Variants in TNFSF4 observed in about 807,000 individuals in gnomAD.
The protein encoded by TNFSF4 is TNF superfamily member 4, also known as tumor necrosis factor ligand superfamily member 4.
A neutral mutation model predicts 7.3 loss-of-function variants in TNFSF4; 4 were observed. The observed-to-expected ratio is 0.55, with a 90% CI of 0.27 to 1.25. TNFSF4 has a LOEUF of 1.25. Ranked by LOEUF, TNFSF4 falls within the 50% of genes most tolerant of loss-of-function variation. TNFSF4 has a pLI of 0.12. For synonymous variants in TNFSF4, 76 were observed against 83.7 expected, an observed-to-expected ratio of 0.91 and a Z score of 0.50; for missense variants, 181 against 208.8, an observed-to-expected ratio of 0.87 and a Z score of 0.82.
At chr1:173,260,701 A>G in the TNFSF4 span, among the ~76,000 whole-genome samples, 1 of 152,224 alleles carries the variant, frequency 6.6e-6, no homozygotes. Flanking sequence ...AGTTTCTGAC[A>G]AAACAGACTT....
the TNFSF4 span, among the ~76,000 whole-genome samples, chr1:173,224,821 C>T: frequency 2.6e-5 from 4 of 152,160 alleles, no homozygotes; most frequent in East Asian, 7.7e-4. Flanking sequence ...GAGAGCATGG[C>T]CACAGAATCA....
chr1:173,415,291 G>T, the TNFSF4 span, among the ~76,000 whole-genome samples: 1 of 152,208 alleles, frequency 6.6e-6, no homozygotes, highest in African/African-American at 2.4e-5. Flanking sequence ...GCCTCAGCTG[G>T]TGCACTGTCA....
the TNFSF4 span, among the ~76,000 whole-genome samples, chr1:173,293,936 A>G: frequency 6.6e-6 from 1 of 152,082 alleles, no homozygotes; most frequent in African/African-American, 2.4e-5. Flanking sequence ...ACCAATCAGA[A>G]TAGCTATTAT....
At chr1:173,209,826 C>A (rs1650314339), upstream of TNFSF4, among the ~76,000 whole-genome samples, 1 of 151,996 alleles carries the variant, frequency 6.6e-6, no homozygotes, top group Non-Finnish European at 1.5e-5. Context: ...AAGTATCTCA[C>A]AAATATTAAA....
At chr1:173,315,597 G>A in the TNFSF4 span, among the ~76,000 whole-genome samples, 4 of 152,144 alleles carry the variant, frequency 2.6e-5, no homozygotes, top group African/African-American at 9.7e-5. Context: ...GTAAGGACAC[G>A]TGATTAAAGG....
chr1:173,317,610 T>C, the TNFSF4 span, among the ~76,000 whole-genome samples: 31 of 152,144 alleles, frequency 2.0e-4, no homozygotes, highest in Admixed American at 1.3e-3. Flanking sequence ...AAGAAATAAT[T>C]TGAACAAAAC....
intron 1 of TNFSF4, among the ~76,000 whole-genome samples, chr1:173,197,402 A>T (rs1649751005): frequency 6.6e-6 from 1 of 152,248 alleles, no homozygotes; most frequent in Non-Finnish European, 1.5e-5. Context: ...TCATTGCAGC[A>T]CTATTCACAA....
At chr1:173,195,131 T>C (rs1649645315) in intron 1 of TNFSF4, among the ~76,000 whole-genome samples, 1 of 152,190 alleles carries the variant, frequency 6.6e-6, no homozygotes. Flanking sequence ...CTTCTCTTTA[T>C]CCTACACTAT....
chr1:173,243,454 C>T, the TNFSF4 span, among the ~76,000 whole-genome samples: 2 of 152,310 alleles, frequency 1.3e-5, no homozygotes, highest in Admixed American at 6.5e-5. Flanking sequence ...TCACTCACCA[C>T]CCTGTGATTA....
the TNFSF4 span, among the ~76,000 whole-genome samples, chr1:173,364,003 T>C: frequency 3.0e-4 from 45 of 152,290 alleles, no homozygotes; most frequent in East Asian, 5.6e-3. Flanking sequence ...AATTTGGTAA[T>C]AAATAACAGA....
At chr1:173,341,998 G>A in the TNFSF4 span, among the ~76,000 whole-genome samples, 1 of 152,066 alleles carries the variant, frequency 6.6e-6, no homozygotes, top group Admixed American at 6.6e-5. Flanking sequence ...CTTCTCTAGG[G>A]TATGGTCATA....
the TNFSF4 span, among the ~76,000 whole-genome samples, chr1:173,317,414 T>G: frequency 6.6e-6 from 1 of 152,238 alleles, no homozygotes; most frequent in South Asian, 2.1e-4. Flanking sequence ...TACACATACC[T>G]CTGGTGTTGG....
At chr1:173,270,531 G>C in the TNFSF4 span, among the ~76,000 whole-genome samples, 1 of 138,056 alleles carries the variant, frequency 7.2e-6, no homozygotes, top group Admixed American at 6.8e-5. Context: ...AGAAGAGTGA[G>C]AGAGTAAATA....
chr1:173,402,596 C>G, the TNFSF4 span, among the ~76,000 whole-genome samples: 1 of 152,188 alleles, frequency 6.6e-6, no homozygotes, highest in African/African-American at 2.4e-5. Context: ...GGGTACAAAT[C>G]TCACCTTTCC....
the TNFSF4 span, among the ~76,000 whole-genome samples, chr1:173,390,750 C>CTTTT: frequency 2.6e-4 from 33 of 127,714 alleles, 3 homozygotes; most frequent in African/African-American, 8.0e-4. Context: ...TTTTTTTTTT[C>CTTTT]TTTTTTTTTT....
the TNFSF4 span, among the ~76,000 whole-genome samples, chr1:173,323,969 C>T: frequency 1.3e-5 from 2 of 152,324 alleles, no homozygotes; most frequent in South Asian, 2.1e-4. Flanking sequence ...CTTCCCCAAT[C>T]GAGCAAGGCA....
the TNFSF4 span, among the ~76,000 whole-genome samples, chr1:173,299,513 G>T: frequency 7.2e-5 from 11 of 151,840 alleles, no homozygotes; most frequent in Non-Finnish European, 1.3e-4. Context: ...CTTCTCCCAC[G>T]GGAAATATTC....
chr1:173,214,951 T>C, the TNFSF4 span, among the ~76,000 whole-genome samples: 1 of 152,266 alleles, frequency 6.6e-6, no homozygotes, highest in African/African-American at 2.4e-5. Context: ...ACCAGACCAC[T>C]CAATTGCTGG....
At chr1:173,382,093 T>A in the TNFSF4 span, among the ~76,000 whole-genome samples, 3 of 152,114 alleles carry the variant, frequency 2.0e-5, no homozygotes, top group Admixed American at 6.5e-5. Context: ...TCACAATAAA[T>A]CTTGCTGCTG....
Sources: gnomAD v4.1 joint callset for allele counts (sites outside exome capture counted in the v4.1 genomes callset) on GRCh38, gnomAD v4.1.1 for gene constraint, MANE v1.5 for transcripts, NCBI Gene and HGNC (gene_info 2026-07-23, HGNC 2026-07-21) for gene names.